Variants in DGKB observed in about 807,000 individuals in gnomAD.
DGKB encodes the protein 90 kDa diacylglycerol kinase.
DGKB carries 67 observed loss-of-function variants against 114.3 expected under a neutral mutation model. That is an observed-to-expected ratio of 0.59 (90% CI 0.48 to 0.72). The LOEUF is 0.72. Among genes scored for constraint, DGKB ranks in the 30% least tolerant of loss-of-function variants. The pLI is 0.00. For missense variants in DGKB, 907 were observed against 975.2 expected (o/e 0.93, Z 0.93); for synonymous variants, 398 against 323.1 (o/e 1.23, Z -2.49).
intron 16 of DGKB, among the ~76,000 whole-genome samples, chr7:14,611,529 A>G (rs1012507812): frequency 6.6e-6 from 1 of 152,146 alleles, no homozygotes; most frequent in Non-Finnish European, 1.5e-5. Flanking sequence ...AGGCAGAAAA[A>G]TTATGTTTGC....
intron 13 of DGKB, among the ~76,000 whole-genome samples, chr7:14,644,334 C>T (rs531767797): frequency 6.6e-6 from 1 of 152,036 alleles, no homozygotes; most frequent in South Asian, 2.1e-4. Context: ...AAACATAACA[C>T]CTCTAAAGGA....
intron 23 of DGKB, among the ~76,000 whole-genome samples, chr7:14,251,530 T>G (rs1392220202): frequency 1.3e-5 from 2 of 152,164 alleles, no homozygotes; most frequent in Admixed American, 6.5e-5. Context: ...TAAAAATAAT[T>G]TATATACTAT....
At chr7:14,224,141 T>C (rs1790421598) in intron 23 of DGKB, among the ~76,000 whole-genome samples, 2 of 151,918 alleles carry the variant, frequency 1.3e-5, no homozygotes, top group African/African-American at 4.8e-5. Flanking sequence ...CTATCTTTAT[T>C]TCCCTTCTAG....
chr7:14,755,194 A>G (rs920230200), intron 3 of DGKB, among the ~76,000 whole-genome samples: 5 of 152,142 alleles, frequency 3.3e-5, no homozygotes, highest in Non-Finnish European at 7.4e-5. Flanking sequence ...ATGATCTTTA[A>G]AAGATGGGAA....
At chr7:14,826,239 T>C (rs1278472556) in intron 2 of DGKB, among the ~76,000 whole-genome samples, 1 of 152,166 alleles carries the variant, frequency 6.6e-6, no homozygotes, top group Non-Finnish European at 1.5e-5. Flanking sequence ...AGCTTCTGCC[T>C]ATAACTTCTA....
At chr7:14,152,831 TAAG>T (rs1782423339) in intron 25 of DGKB, among the ~76,000 whole-genome samples, 1 of 152,092 alleles carries the variant, frequency 6.6e-6, no homozygotes, top group Middle Eastern at 3.2e-3. Context: ...GTTGTAATGT[TAAG>T]AATAACAGCC....
intron 7 of DGKB, among the ~76,000 whole-genome samples, chr7:14,700,357 G>A (rs1435792173): frequency 2.0e-5 from 3 of 152,010 alleles, no homozygotes; most frequent in Admixed American, 2.0e-4. Flanking sequence ...GGGATTACAG[G>A]TGCCCACTAC....
intron 9 of DGKB, among the ~76,000 whole-genome samples, chr7:14,689,376 C>T (rs1208276188): frequency 1.3e-5 from 2 of 151,676 alleles, no homozygotes; most frequent in Non-Finnish European, 2.9e-5. Context: ...GGGGTTTCAC[C>T]GTGTTAGCCA....
chr7:14,551,731 T>A (rs2128643893), intron 20 of DGKB, among the ~76,000 whole-genome samples: 1 of 152,220 alleles, frequency 6.6e-6, no homozygotes, highest in East Asian at 1.9e-4. Context: ...AATTCATAGG[T>A]CTTAATTGTG....
chr7:14,794,284 A>C (rs918707458), intron 2 of DGKB, among the ~76,000 whole-genome samples: 3 of 152,148 alleles, frequency 2.0e-5, no homozygotes, highest in Non-Finnish European at 4.4e-5. Context: ...TAATATTTCA[A>C]GACACTAATA....
At chr7:14,446,132 C>A (rs1056265333) in intron 21 of DGKB, among the ~76,000 whole-genome samples, 1 of 152,064 alleles carries the variant, frequency 6.6e-6, no homozygotes, top group Admixed American at 6.6e-5. Context: ...GTATTAGGTA[C>A]TTCATGAAGG....
chr7:14,873,184 T>C lies in DGKB; in HGVS notation c.-188+29408A>G, dbSNP rs184639260. Among the ~76,000 whole-genome samples, 22 of 152,296 alleles carry C rather than the reference T, an allele frequency of 1.4e-4. No homozygotes were observed. In the East Asian group the frequency reaches 4.2e-3, roughly 29 times the overall value. On this transcript the variant is annotated intron_variant, in intron 1 of 25. Transcript: ENST00000402815. ...CTTCTCAGGAATAACTTTTTATCTT[T>C]GGGAAGTTCTTGTCTGGTAATAACT... is the stretch of plus-strand genomic sequence containing the variant.
intron 21 of DGKB, among the ~76,000 whole-genome samples, chr7:14,402,816 T>C (rs1236852652): frequency 6.6e-6 from 1 of 151,800 alleles, no homozygotes; most frequent in African/African-American, 2.4e-5. Flanking sequence ...CTCCCTAACA[T>C]AGGCGGGCCT....
intron 21 of DGKB, among the ~76,000 whole-genome samples, chr7:14,372,771 G>A (rs868830259): frequency 8.6e-5 from 13 of 151,932 alleles, no homozygotes; most frequent in African/African-American, 2.9e-4. Flanking sequence ...AGTATAAATG[G>A]CTATTTTTTC....
At chr7:14,744,164 C>T (rs1832939924) in intron 4 of DGKB, among the ~76,000 whole-genome samples, 1 of 152,100 alleles carries the variant, frequency 6.6e-6, no homozygotes, top group African/African-American at 2.4e-5. Context: ...CTCATGTGAA[C>T]AAAATTTGGA....
At chr7:14,327,505 G>A (rs940538500) in intron 23 of DGKB, among the ~76,000 whole-genome samples, 28 of 152,020 alleles carry the variant, frequency 1.8e-4, no homozygotes, top group African/African-American at 6.8e-4. Flanking sequence ...CTGTTAATAT[G>A]TCAGTATATT....
At chr7:14,652,834 G>C (rs1212013731) in intron 13 of DGKB, among the ~76,000 whole-genome samples, 1 of 152,106 alleles carries the variant, frequency 6.6e-6, no homozygotes, top group Non-Finnish European at 1.5e-5. Flanking sequence ...CCATCAAAAA[G>C]TGGGCAAAGT....
At chr7:14,756,623 G>A (rs1189887050) in intron 3 of DGKB, among the ~76,000 whole-genome samples, 1 of 151,872 alleles carries the variant, frequency 6.6e-6, no homozygotes, top group East Asian at 1.9e-4. Flanking sequence ...GAGAAATACT[G>A]ATAGGAAATT....
intron 21 of DGKB, among the ~76,000 whole-genome samples, chr7:14,361,556 C>G (rs1474341783): frequency 1.3e-5 from 2 of 151,916 alleles, no homozygotes; most frequent in Non-Finnish European, 2.9e-5. Flanking sequence ...TTCAAGCTGA[C>G]TTGTACATAA....
Sources: allele counts gnomAD v4.1 joint callset (sites outside exome capture counted in the v4.1 genomes callset), GRCh38; gene constraint gnomAD v4.1.1; transcripts MANE v1.5; gene names NCBI Gene and HGNC (gene_info 2026-07-23, HGNC 2026-07-21).